Variants in TLE3 observed in about 807,000 individuals in gnomAD.
The protein encoded by TLE3 is TLE family member 3, transcriptional corepressor, also known as transducin-like enhancer protein 3.
In TLE3, 14 loss-of-function variants were observed where a neutral mutation model predicts 93.0. That is an observed-to-expected ratio of 0.15 (90% CI 0.10 to 0.24). TLE3 has a LOEUF of 0.24. Among genes scored for constraint, TLE3 ranks in the 10% least tolerant of loss-of-function variants. The probability of loss-of-function intolerance (pLI) is 1.00; values close to 1 mark genes in which losing one functional copy is unlikely to be tolerated. For synonymous variants in TLE3, 451 were observed against 425.0 expected, an observed-to-expected ratio of 1.06 and a Z score of -0.75; for missense variants, 693 against 1,046.6, an observed-to-expected ratio of 0.66 and a Z score of 4.66.
intron 4 of TLE3, among the ~76,000 whole-genome samples, chr15:70,091,778 C>A (rs2058319348): frequency 6.6e-6 from 1 of 152,102 alleles, no homozygotes; most frequent in Admixed American, 6.5e-5. Flanking sequence ...ATACCCGGGC[C>A]CATCTGGCAG....
rs1272117327 is a variant in TLE3 at position 70,058,786 on chromosome 15, T to C, written c.795A>G (p.Ala265=). ...CCAGCCCATTTTCAGGAGGGGAGTG[T>C]GCCGGGCTGACCCGGGGCGTTGCGG... ...EDPATPRVSP[A]HSPPENGLDK... Residue 265 remains alanine, a synonymous_variant, in exon 11 of 20, where the codon GCA becomes GCG. Transcript: ENST00000451782. This position sits in a 1 kb window ranked among gnomAD's most constrained non-coding sequence, Gnocchi z 4.1. 3.1e-6 allele frequency: 5 copies of C among 1,604,784 alleles called. No individual in the cohort carries two copies. The highest frequency in any genetic ancestry group is 1.1e-5 in the South Asian group (1 of 89,830).
chr15:70,066,049 T>G lies in TLE3; in HGVS notation c.542A>C (p.Lys181Thr). 2 of 1,519,164 alleles carry G rather than the reference T, an allele frequency of 1.3e-6. No individual in the cohort carries two copies. Among genetic ancestry groups the G allele is most frequent in the Non-Finnish European group, 1.8e-6 (2 of 1,119,306 alleles). 94.1% of individuals were successfully genotyped at this position (1,519,164 alleles called of 1,614,324 possible). A position where few individuals can be genotyped will look rare whatever the true frequency, so the allele number is the denominator to read the frequency against. ...ALGSQAHLTVKDEKNHHELDH... is the reference protein window; with the variant it reads ...ALGSQAHLTVTDEKNHHELDH... ...GAGTTCATGGTGGTTCTTCTCATCC[T>G]TCACCGTCAGATGGGCCTGGCTGCC... Residue 181 changes from lysine to threonine, a missense_variant, in exon 7 of 20, where the codon AAG becomes ACG. Coordinates refer to ENST00000451782, the MANE Select transcript of TLE3 (RefSeq NM_001105192.3).
At chr15:70,084,942 C>T (rs949711047) in intron 4 of TLE3, among the ~76,000 whole-genome samples, 1 of 152,196 alleles carries the variant, frequency 6.6e-6, no homozygotes. Context: ...CATGGCACTC[C>T]CTATAACTGT....
At chr15:70,096,550 C>T (rs1159730304) in intron 1 of TLE3, 6 of 1,411,144 alleles carry the variant, frequency 4.3e-6, no homozygotes, top group African/African-American at 2.8e-5. Flanking sequence ...CCGGGGACCG[C>T]GTGAACAGCT....
At chr15:70,054,143 T>C in intron 16 of TLE3, 1 of 317,542 alleles carries the variant, frequency 3.1e-6, no homozygotes, top group Non-Finnish European at 5.8e-6. Context: ...TCTCTGGGGC[T>C]CTGCTCCCAG....
chr15:70,057,816 C>A (rs972327135), intron 12 of TLE3, 158 bp from the exon 13 acceptor site: 2 of 931,876 alleles, frequency 2.1e-6, no homozygotes, highest in Non-Finnish European at 3.2e-6. Flanking sequence ...GCCTTCAGAG[C>A]CAAAGAAGCT....
chr15:70,051,803 T>G (rs919774259), intron 18 of TLE3, among the ~76,000 whole-genome samples: 1 of 152,182 alleles, frequency 6.6e-6, no homozygotes, highest in Admixed American at 6.5e-5. Flanking sequence ...CAGGAAATAC[T>G]GAAAATATCC....
chr15:70,076,992 A>G (rs914615148), intron 4 of TLE3, among the ~76,000 whole-genome samples: 7 of 152,220 alleles, frequency 4.6e-5, no homozygotes, highest in Non-Finnish European at 8.8e-5. Flanking sequence ...GGCTGGGACT[A>G]CAGACAGGAG....
In TLE3 at chr15:70,097,898, A is replaced by G. The variant is rs2058640967; in HGVS notation, c.-1100T>C. ...AGCACGAGGTCTGAACTGCCGCGAG[A>G]GCAGTTCCAAATAGGGACTGAAAAG... On this transcript the variant is annotated 5_prime_UTR_variant, in exon 1 of 20. Coordinates refer to ENST00000451782, the MANE Select transcript of TLE3 (RefSeq NM_001105192.3). 3 of 277,328 alleles carry G rather than the reference A, an allele frequency of 1.1e-5. No individual in the cohort carries two copies. The highest frequency in any genetic ancestry group is 6.6e-5 in the African/African-American group (3 of 45,732). 17.2% of individuals were successfully genotyped at this position (277,328 alleles called of 1,614,324 possible).
chr15:70,084,777 G>A (rs1275654686), intron 4 of TLE3, among the ~76,000 whole-genome samples: 3 of 152,214 alleles, frequency 2.0e-5, no homozygotes, highest in African/African-American at 7.2e-5. Flanking sequence ...TATGGGAAAG[G>A]GCTCTGAGAA....
chr15:70,089,078 G>A (rs74021485), intron 4 of TLE3, among the ~76,000 whole-genome samples: 135 of 152,342 alleles, frequency 8.9e-4, no homozygotes, highest in African/African-American at 2.8e-3. Context: ...TTCCGAAGAC[G>A]TGTGGCTTCT....
In TLE3 at chr15:70,074,447, G is replaced by A. The variant is rs2057339835; in HGVS notation, c.372+86C>T. The A allele has an allele frequency of 4.7e-6, 7 of 1,500,346 alleles. No homozygotes were observed. In the East Asian group the frequency reaches 1.7e-4, roughly 37 times the overall value. 92.9% of individuals were successfully genotyped at this position (1,500,346 alleles called of 1,614,324 possible). On this transcript the variant is annotated intron_variant, in intron 6 of 19. Coordinates refer to ENST00000451782, the MANE Select transcript of TLE3 (RefSeq NM_001105192.3). ...GCCGCCATTCTTTGAGGCCAGCTAA[G>A]GTCAGGGTCAATCTCTGGTTATGAT...
At position 70,066,199 on chromosome 15, in the gene TLE3, T is replaced by A; in HGVS notation, c.392A>T (p.Gln131Leu). Residue 131 changes from glutamine (Q) to leucine (L), a missense_variant, in exon 7 of 20, where the codon CAG becomes CTG. Around this residue, in one of 4 missense-constraint regions of TLE3, gnomAD observed 104 missense variants for 173.8 expected, o/e 0.60. Coordinates refer to ENST00000451782, the MANE Select transcript of TLE3 (RefSeq NM_001105192.3). Reference protein sequence around the residue: ...AIIGQQQLQAQHLSHATHGPP... With the variant: ...AIIGQQQLQALHLSHATHGPP... ...GCCGTGTGTGGCATGGGAGAGGTGC[T>A]GCGCCTGGAGCTGCTGCTGCTGCAA... is the stretch of plus-strand genomic sequence containing the variant. 2 of 1,538,590 alleles carry A rather than the reference T, an allele frequency of 1.3e-6. No individual in the cohort carries two copies. Among genetic ancestry groups the A allele is most frequent in the Non-Finnish European group, 1.7e-6 (2 of 1,143,980 alleles).
At chr15:70,087,817 A>G (rs946350427) in intron 4 of TLE3, among the ~76,000 whole-genome samples, 2 of 152,228 alleles carry the variant, frequency 1.3e-5, no homozygotes, top group African/African-American at 2.4e-5. Context: ...AAAGGACTGC[A>G]TTTTCAAAGC....
chr15:70,096,665 A>T, intron 1 of TLE3, 110 bp downstream of exon 1: 2 of 1,556,632 alleles, frequency 1.3e-6, no homozygotes, highest in Non-Finnish European at 1.7e-6. Context: ...GCACACACAC[A>T]AACACACACA....
chr15:70,076,259 CTCTCCACGG>C, intron 4 of TLE3, 101 bp from the exon 5 acceptor site: 1 of 1,084,456 alleles, frequency 9.2e-7, no homozygotes, highest in Non-Finnish European at 1.4e-6. Context: ...ACCACAGCCC[CTCTCCACGG>C]GGCTCCATCC....
chr15:70,060,494 A>G, intron 9 of TLE3, 36 bp downstream of exon 9: 1 of 1,611,930 alleles, frequency 6.2e-7, no homozygotes, highest in Non-Finnish European at 8.5e-7. Context: ...CCTACCCAAC[A>G]GAAACCCCAG....
intron 16 of TLE3, 60 bp downstream of exon 16, chr15:70,054,378 G>A: frequency 1.3e-6 from 2 of 1,569,418 alleles, no homozygotes. Context: ...AACAAGACCA[G>A]GCAGGATGGG....
intron 5 of TLE3, among the ~76,000 whole-genome samples, chr15:70,075,818 A>T (rs2057413595): frequency 6.6e-6 from 1 of 152,158 alleles, no homozygotes; most frequent in African/African-American, 2.4e-5. Context: ...CTGCCCACTG[A>T]TGGTTAGGTC....
Sources: allele counts gnomAD v4.1 joint callset (sites outside exome capture counted in the v4.1 genomes callset), GRCh38; gene constraint gnomAD v4.1.1; regional missense constraint gnomAD v4.1.1; non-coding constraint Gnocchi (gnomAD v3.1); transcripts MANE v1.5; gene names NCBI Gene and HGNC (gene_info 2026-07-23, HGNC 2026-07-21).